The following GATA3 variants were observed in gnomAD, a reference collection of about 807,000 sequenced individuals.
The protein encoded by GATA3 is trans-acting T-cell-specific transcription factor GATA-3.
A neutral mutation model predicts 36.0 loss-of-function variants in GATA3; 6 were observed. That is an observed-to-expected ratio of 0.17 (90% confidence interval 0.09 to 0.33). The LOEUF (loss-of-function observed/expected upper bound fraction) is 0.33, where lower values mean the gene tolerates loss of function less well. GATA3 is among the 10% of genes least tolerant of loss of function. The pLI is 1.00. For synonymous variants in GATA3, 326 were observed against 273.0 expected, an observed-to-expected ratio of 1.19 and a Z score of -1.92; for missense variants, 514 against 610.1, an observed-to-expected ratio of 0.84 and a Z score of 1.66.
At chr10:8,061,245 C>A (rs1451126009) in intron 3 of GATA3, among the ~76,000 whole-genome samples, 1 of 152,168 alleles carries the variant, frequency 6.6e-6, no homozygotes, top group South Asian at 2.1e-4. Context: ...TGGGACGAAG[C>A]TTTTGCAAAC....
intron 3 of GATA3, among the ~76,000 whole-genome samples, chr10:8,060,535 C>T (rs200528950): frequency 6.7e-6 from 1 of 148,352 alleles, no homozygotes; most frequent in East Asian, 2.0e-4. Context: ...TTTTCTTTTT[C>T]TTTTTTTTTT....
chr10:8,046,307 T>C (rs904758480), intron 1 of GATA3, among the ~76,000 whole-genome samples: 2 of 152,204 alleles, frequency 1.3e-5, no homozygotes, highest in Admixed American at 6.5e-5. Flanking sequence ...ATGCCTTTTC[T>C]TTCTCTCGGA....
chr10:8,066,500 C>A (rs926795496), intron 4 of GATA3, among the ~76,000 whole-genome samples: 1 of 151,184 alleles, frequency 6.6e-6, no homozygotes. Context: ...CACCTAGAAC[C>A]CTTTGTTTTC....
chr10:8,058,280 C>T (rs761704815), intron 2 of GATA3, 25 bp from the exon 3 acceptor site: 2 of 1,613,050 alleles, frequency 1.2e-6, no homozygotes, highest in South Asian at 1.1e-5. Flanking sequence ...CTTCTCTCTC[C>T]TGCCCTTTCC....
intron 2 of GATA3, among the ~76,000 whole-genome samples, 193 bp from the exon 3 acceptor site, chr10:8,058,112 G>A (rs563109595): frequency 6.6e-6 from 1 of 152,294 alleles, no homozygotes; most frequent in East Asian, 1.9e-4. Flanking sequence ...GAAGGATTCT[G>A]TCCCCAGCCT....
upstream of GATA3, chr10:8,051,142 GCCCCT>G: frequency 2.2e-6 from 1 of 447,720 alleles, no homozygotes; most frequent in Non-Finnish European, 4.5e-6. Context: ...GGGTCTCTTC[GCCCCT>G]GGGAGGGCGG....
In GATA3 at chr10:8,055,937, C is replaced by CAG. The variant is rs745825837; in HGVS notation, c.241+42_241+43dup. 2 of 1,549,864 alleles carry CAG rather than the reference C, an allele frequency of 1.3e-6. No homozygotes were observed. The highest frequency in any genetic ancestry group is 2.4e-5 in the South Asian group (2 of 83,994). On this transcript the variant is annotated intron_variant, in intron 2 of 5. Coordinates refer to ENST00000379328, the MANE Select transcript of GATA3 (RefSeq NM_001002295.2). The surrounding 1 kb of genome is among the most constrained non-coding windows in gnomAD (Gnocchi z 5.4). The stretch of plus-strand genomic sequence containing the variant: ...GTGCCGGGGCTCCCGCCGGCCGCTT[C>CAG]AGCCGTCCCGGCTCGGGGAGGTCGG...
At chr10:8,047,814 C>A (rs1832410484) in intron 1 of GATA3, among the ~76,000 whole-genome samples, 1 of 152,130 alleles carries the variant, frequency 6.6e-6, no homozygotes, top group South Asian at 2.1e-4. Flanking sequence ...GAGGGAGGGG[C>A]TGCGGGTAGG....
At chr10:8,060,775 G>A (rs893477163) in intron 3 of GATA3, among the ~76,000 whole-genome samples, 1 of 152,142 alleles carries the variant, frequency 6.6e-6, no homozygotes, top group Non-Finnish European at 1.5e-5. Context: ...ACATGGAGGG[G>A]AGAAAGAGAG....
rs145459484 is a variant in GATA3 at position 8,058,702 on chromosome 10, G to C, written c.639G>C (p.Ser213=). The change falls in exon 3 of 6, where the codon TCG becomes TCC. Residue 213 remains serine, a synonymous_variant. Transcript: ENST00000379328. ...TGACCGCCCTGGGTGGAGCCTCCTC[G>C]TCGACCCACCACCCCATCACCACCT... The part of the protein sequence containing the change: ...GSMTALGGAS[S]STHHPITTYP... The C allele has an allele frequency of 6.2e-7, 1 of 1,612,844 alleles. No individual in the cohort carries two copies. The highest frequency in any genetic ancestry group is 8.5e-7 in the Non-Finnish European group (1 of 1,179,934).
intron 5 of GATA3, among the ~76,000 whole-genome samples, chr10:8,070,370 A>C (rs1832912031): frequency 6.7e-6 from 1 of 150,080 alleles, no homozygotes; most frequent in South Asian, 2.1e-4. Flanking sequence ...AATCTTAAAA[A>C]ATTTTTTTTT....
chr10:8,058,971 C>A, intron 3 of GATA3, 130 bp downstream of exon 3: 1 of 828,134 alleles, frequency 1.2e-6, no homozygotes, highest in Middle Eastern at 3.0e-4. Flanking sequence ...CCATTCTTCC[C>A]ATTCTTCCTG....
chr10:8,046,382 G>A (rs1832387146), intron 1 of GATA3, among the ~76,000 whole-genome samples: 1 of 152,190 alleles, frequency 6.6e-6, no homozygotes, highest in Non-Finnish European at 1.5e-5. Flanking sequence ...GGAAAGTGCG[G>A]CATCTCCCTC....
chr10:8,055,889 C>T lies in GATA3; in HGVS notation c.234C>T (p.Thr78=). 6.4e-7 allele frequency: 1 copy of T among 1,559,724 alleles called. No homozygotes were observed. The change falls in exon 2 of 6, where the codon ACC becomes ACT. Residue 78 remains threonine (T), a synonymous_variant. Transcript: ENST00000379328. The surrounding 1 kb of genome is among the most constrained non-coding windows in gnomAD (Gnocchi z 5.4). ...CCACGGTGCAGAGGTACCCTCCGAC[C>T]CACCACGGTGAGTGCGCCCGGGGTG... The part of the protein sequence containing the change: ...VRATVQRYPP[T]HHGSQVCRPP...
chr10:8,059,217 A>G (rs147259680), intron 3 of GATA3, among the ~76,000 whole-genome samples: 86 of 152,340 alleles, frequency 5.6e-4, no homozygotes, highest in African/African-American at 2.0e-3. Context: ...GTTTCATGCT[A>G]AAACGAAACC....
chr10:8,065,865 GAA>G (rs36068913), intron 4 of GATA3, among the ~76,000 whole-genome samples: 10 of 69,800 alleles, frequency 1.4e-4, no homozygotes, highest in African/African-American at 5.4e-4. Context: ...AGAAGTGTTT[GAA>G]AAAAAAAAAA....
At chr10:8,046,380 C>A (rs1384017394) in intron 1 of GATA3, among the ~76,000 whole-genome samples, 1 of 152,276 alleles carries the variant, frequency 6.6e-6, no homozygotes, top group African/African-American at 2.4e-5. Flanking sequence ...GGGGAAAGTG[C>A]GGCATCTCCC....
chr10:8,069,675 C>T (rs2131512814), intron 5 of GATA3, 77 bp downstream of exon 5: 1 of 1,530,732 alleles, frequency 6.5e-7, no homozygotes, highest in Non-Finnish European at 9.0e-7. Context: ...ACCACCCTCT[C>T]CAAGTGAATC....
Position 8,058,309 on chromosome 10 carries a change from C to T in GATA3, c.246C>T (p.Ser82=), listed in dbSNP as rs1832678041. 3 of 1,613,426 alleles carry T rather than the reference C, an allele frequency of 1.9e-6. No homozygotes were observed. Among genetic ancestry groups the T allele is most frequent in the Non-Finnish European group, 1.7e-6 (2 of 1,179,970 alleles). Residue 82 remains serine (S), a synonymous_variant, in exon 3 of 6, where the codon AGC becomes AGT. Transcript: ENST00000379328. ...VQRYPPTHHG[S]QVCRPPLLHG... ...CCTTTCCCCGTTGCCCCACAGGGAGCCAGGTGTGCCGCCCGCCTCTGCTTC... is the reference window on the plus strand; with the variant it reads ...CCTTTCCCCGTTGCCCCACAGGGAGTCAGGTGTGCCGCCCGCCTCTGCTTC...
Sources: allele counts gnomAD v4.1 joint callset (sites outside exome capture counted in the v4.1 genomes callset), GRCh38; gene constraint gnomAD v4.1.1; non-coding constraint Gnocchi (gnomAD v3.1); transcripts MANE v1.5; gene names NCBI Gene and HGNC (gene_info 2026-07-23, HGNC 2026-07-21).